CEP112: variants seen among roughly 807,000 people sequenced by gnomAD.
CEP112 encodes centrosomal protein of 112 kDa.
In CEP112, 127 loss-of-function variants were observed where a neutral mutation model predicts 153.0. That is an observed-to-expected ratio of 0.83 (90% CI 0.72 to 0.96). The LOEUF (loss-of-function observed/expected upper bound fraction) is 0.96. CEP112 is among the 40% of genes least tolerant of loss of function. The pLI is 0.00. For synonymous variants in CEP112, 358 were observed against 374.4 expected (o/e 0.96, Z 0.51); for missense variants, 1,089 against 1,101.2 (o/e 0.99, Z 0.16).
At chr17:65,941,199 G>C (rs2061496262) in intron 18 of CEP112, among the ~76,000 whole-genome samples, 1 of 151,756 alleles carries the variant, frequency 6.6e-6, no homozygotes, top group Non-Finnish European at 1.5e-5. Flanking sequence ...ATTGGTTTTT[G>C]TTTCTTTTAC....
chr17:65,825,564 T>A (rs1229174304), intron 21 of CEP112, among the ~76,000 whole-genome samples: 2 of 152,078 alleles, frequency 1.3e-5, no homozygotes. Flanking sequence ...TACTGTTCAG[T>A]GGGCACAGGT....
At position 66,067,546 on chromosome 17, in the gene CEP112, G is replaced by A. The variant is rs116523091; in HGVS notation, c.856-669C>T. 4.3e-3 allele frequency among the ~76,000 whole-genome samples: 650 copies of A among 152,102 alleles called. 6 individuals carry two copies. The highest frequency in any genetic ancestry group is 0.015 in the African/African-American group (623 of 41,508). On this transcript the variant is annotated intron_variant, in intron 9 of 26. Coordinates refer to ENST00000535342, the MANE Select transcript of CEP112 (RefSeq NM_001199165.4). ...AGTAGGTATACATTAATAGAAACTC[G>A]TAAAGAACCAATCATATAACTTTTC...
chr17:65,973,479 T>C (rs1319465298), intron 17 of CEP112, among the ~76,000 whole-genome samples: 2 of 152,230 alleles, frequency 1.3e-5, no homozygotes, highest in African/African-American at 4.8e-5. Flanking sequence ...GATAGGCATA[T>C]GGCCAATAAG....
At chr17:65,706,749 G>A (rs1324811762) in intron 23 of CEP112, among the ~76,000 whole-genome samples, 3 of 152,246 alleles carry the variant, frequency 2.0e-5, no homozygotes, top group East Asian at 3.9e-4. Flanking sequence ...ACCATTTACC[G>A]GCCTTCCAAA....
At chr17:65,737,253 A>T (rs990227601) in intron 23 of CEP112, among the ~76,000 whole-genome samples, 2 of 152,132 alleles carry the variant, frequency 1.3e-5, no homozygotes, top group African/African-American at 4.8e-5. Flanking sequence ...ACCATCAAAA[A>T]CCTGGGGTCA....
Position 65,951,745 on chromosome 17 carries a change from C to T in CEP112, c.1872+9718G>A, listed in dbSNP as rs71379948. On this transcript the variant is annotated intron_variant, in intron 18 of 26. Coordinates refer to ENST00000535342, the MANE Select transcript of CEP112 (RefSeq NM_001199165.4). Reference sequence around the variant, plus strand: ...GCTTTCTGCTCTAATCTTCCCCCGCCCCCCCCTTTCTTCCACTTGCTTAGA... The same window carrying T: ...GCTTTCTGCTCTAATCTTCCCCCGCTCCCCCCTTTCTTCCACTTGCTTAGA... Among the ~76,000 whole-genome samples the T allele has an allele frequency of 3.5e-4, 33 of 95,108 alleles. 3 individuals are homozygous for T. Among genetic ancestry groups the T allele is most frequent in the Admixed American group, 1.0e-3 (9 of 8,760 alleles). The allele number at this position is 95,108 out of a possible 152,430, so 62.4% of individuals were successfully genotyped here. A position where few individuals can be genotyped will look rare whatever the true frequency, so the allele number is the denominator to read the frequency against.
intron 17 of CEP112, among the ~76,000 whole-genome samples, chr17:65,968,343 G>A (rs937368524): frequency 1.1e-4 from 17 of 152,100 alleles, no homozygotes; most frequent in Non-Finnish European, 2.2e-4. Flanking sequence ...ATATTTCAAA[G>A]TAACTGGAAA....
chr17:65,649,020 T>C (rs912637227), intron 24 of CEP112, among the ~76,000 whole-genome samples: 2 of 151,938 alleles, frequency 1.3e-5, no homozygotes, highest in Non-Finnish European at 2.9e-5. Flanking sequence ...CACTGCACTC[T>C]AGCCTGGGCA....
At chr17:66,143,648 C>T (rs1480242228) in intron 4 of CEP112, among the ~76,000 whole-genome samples, 1 of 152,208 alleles carries the variant, frequency 6.6e-6, no homozygotes, top group Non-Finnish European at 1.5e-5. Context: ...GGAATTATAG[C>T]TTCATTTGAA....
At chr17:66,000,167 A>T (rs1181394009) in intron 17 of CEP112, among the ~76,000 whole-genome samples, 1 of 151,804 alleles carries the variant, frequency 6.6e-6, no homozygotes, top group Non-Finnish European at 1.5e-5. Flanking sequence ...CCAATGGCTC[A>T]ACTAATTTAC....
chr17:65,790,559 C>A (rs936103518), intron 21 of CEP112, among the ~76,000 whole-genome samples: 7 of 152,186 alleles, frequency 4.6e-5, no homozygotes, highest in African/African-American at 1.7e-4. Context: ...TGCTCTAAAT[C>A]ATTCTCTCTT....
chr17:65,871,579 G>C (rs779141121), intron 20 of CEP112, among the ~76,000 whole-genome samples: 36 of 152,198 alleles, frequency 2.4e-4, no homozygotes, highest in Admixed American at 9.2e-4. Flanking sequence ...AGATTACAGT[G>C]AGCCAAGATC....
chr17:66,038,166 T>C (rs1443293), intron 12 of CEP112, among the ~76,000 whole-genome samples: 62,240 of 150,764 alleles, frequency 0.41, 14,295 homozygotes, highest in East Asian at 0.87. Flanking sequence ...ATTCAAACAG[T>C]GAACACCTGC....
intron 23 of CEP112, among the ~76,000 whole-genome samples, chr17:65,696,834 T>G (rs988765573): frequency 6.6e-6 from 1 of 151,066 alleles, no homozygotes; most frequent in African/African-American, 2.4e-5. Context: ...AAGTCCCACT[T>G]AAAAAAAAAT....
chr17:66,115,877 T>C (rs935910979), intron 6 of CEP112, among the ~76,000 whole-genome samples: 6 of 152,198 alleles, frequency 3.9e-5, no homozygotes, highest in African/African-American at 1.4e-4. Flanking sequence ...ACTGAACCCC[T>C]GGTGTTTCAG....
At chr17:66,152,838 C>A (rs1225938974) in intron 4 of CEP112, among the ~76,000 whole-genome samples, 3 of 152,088 alleles carry the variant, frequency 2.0e-5, no homozygotes, top group Non-Finnish European at 4.4e-5. Flanking sequence ...CTGCTTGGCC[C>A]ATTGTATGTT....
rs550219024 is a variant in CEP112, at chr17:66,037,246, T to C, written c.1219-7223A>G. ...CTTAGATTAATAAAGTCAAAAGTTA[T>C]CAGGTTTAAAATATAATAATTTTTA... On this transcript the variant is annotated intron_variant, in intron 12 of 26. Coordinates refer to ENST00000535342, the MANE Select transcript of CEP112 (RefSeq NM_001199165.4). Among the ~76,000 whole-genome samples, 473 of 152,320 alleles carry C rather than the reference T, an allele frequency of 3.1e-3. 1 individual carries two copies. Among genetic ancestry groups the C allele is most frequent in the Non-Finnish European group, 5.3e-3 (363 of 68,034 alleles).
At chr17:65,966,417 T>C (rs1417711064) in intron 17 of CEP112, among the ~76,000 whole-genome samples, 1 of 152,226 alleles carries the variant, frequency 6.6e-6, no homozygotes, top group Non-Finnish European at 1.5e-5. Context: ...TTCCAGTACA[T>C]TTGATAAAGA....
chr17:65,886,879 A>G (rs1222577922), intron 20 of CEP112, among the ~76,000 whole-genome samples: 1 of 152,180 alleles, frequency 6.6e-6, no homozygotes, highest in East Asian at 1.9e-4. Flanking sequence ...AGCTATAACT[A>G]TAATATAACA....
Sources: gnomAD v4.1 joint callset for allele counts (sites outside exome capture counted in the v4.1 genomes callset) on GRCh38, gnomAD v4.1.1 for gene constraint, MANE v1.5 for transcripts, NCBI Gene and HGNC (gene_info 2026-07-23, HGNC 2026-07-21) for gene names.